The following STXBP5L variants were observed in gnomAD, a reference collection of about 807,000 sequenced individuals.
STXBP5L encodes syntaxin binding protein 5L, also known as syntaxin-binding protein 5-like.
In STXBP5L, 65 loss-of-function variants were observed where a neutral mutation model predicts 144.5. That is an observed-to-expected ratio of 0.45 (90% CI 0.37 to 0.55). The LOEUF is 0.55. Among genes scored for constraint, STXBP5L ranks in the 20% least tolerant of loss-of-function variants. The pLI is 0.00. For missense variants in STXBP5L, 1,298 were observed against 1,405.5 expected (o/e 0.92, Z 1.22); for synonymous variants, 505 against 469.6 (o/e 1.08, Z -0.97).
chr3:121,069,865 T>C (rs959900406), intron 5 of STXBP5L, among the ~76,000 whole-genome samples: 3 of 152,246 alleles, frequency 2.0e-5, no homozygotes, highest in Admixed American at 6.5e-5. Flanking sequence ...TTTCATTAAA[T>C]AATTGCTCTT....
At chr3:121,157,908 A>G (rs1282721138) in intron 9 of STXBP5L, 2 of 283,838 alleles carry the variant, frequency 7.0e-6, no homozygotes, top group African/African-American at 2.3e-5. Context: ...GGGGCAGAGG[A>G]GATAATATAG....
chr3:121,126,770 C>T (rs1452273997), intron 7 of STXBP5L, among the ~76,000 whole-genome samples: 1 of 152,160 alleles, frequency 6.6e-6, no homozygotes, highest in Non-Finnish European at 1.5e-5. Context: ...ACACAGGTCT[C>T]ACTGGGCAAA....
chr3:121,204,860 TTC>T (rs1180276794), intron 9 of STXBP5L, among the ~76,000 whole-genome samples: 4 of 152,206 alleles, frequency 2.6e-5, no homozygotes, highest in Non-Finnish European at 5.9e-5. Flanking sequence ...TTCTATTTCC[TTC>T]TCTTTTTGAT....
chr3:120,947,615 T>C (rs1710944734), intron 2 of STXBP5L, among the ~76,000 whole-genome samples: 1 of 151,790 alleles, frequency 6.6e-6, no homozygotes, highest in Non-Finnish European at 1.5e-5. Flanking sequence ...TAACAGTCAA[T>C]TCCTATTACT....
At chr3:121,313,197 C>T (rs1204888217) in intron 19 of STXBP5L, among the ~76,000 whole-genome samples, 8 of 133,764 alleles carry the variant, frequency 6.0e-5, no homozygotes, top group Non-Finnish European at 1.1e-4. Context: ...CCGGACGGGG[C>T]GGCCGGCCGG....
intron 4 of STXBP5L, among the ~76,000 whole-genome samples, chr3:121,042,953 G>A (rs141192192): frequency 6.5e-4 from 99 of 151,776 alleles, no homozygotes; most frequent in African/African-American, 2.4e-3. Flanking sequence ...GTAGTTCCTT[G>A]TTGAGGGATC....
intron 19 of STXBP5L, among the ~76,000 whole-genome samples, chr3:121,284,941 C>T (rs2051179812): frequency 6.6e-6 from 1 of 152,066 alleles, no homozygotes; most frequent in African/African-American, 2.4e-5. Context: ...TCTTTAACCA[C>T]TCAAAGGCAT....
chr3:121,389,170 A>T (rs2046508417), intron 22 of STXBP5L, among the ~76,000 whole-genome samples: 1 of 152,102 alleles, frequency 6.6e-6, no homozygotes, highest in Non-Finnish European at 1.5e-5. Flanking sequence ...TTTCTAGTTT[A>T]TTTGCGTAGA....
At chr3:121,418,933 G>C in intron 26 of STXBP5L, 123 bp from the exon 27 acceptor site, 1 of 999,134 alleles carries the variant, frequency 1.0e-6, no homozygotes. Context: ...CAAAATAAAA[G>C]AAGCCACTCA....
At chr3:121,007,242 G>T (rs636571) in intron 3 of STXBP5L, among the ~76,000 whole-genome samples, 3 of 151,852 alleles carry the variant, frequency 2.0e-5, no homozygotes, top group African/African-American at 7.3e-5. Context: ...AAGCCCCCTT[G>T]ATTATGATAC....
At chr3:121,081,364 G>GT (rs1207483839) in intron 5 of STXBP5L, among the ~76,000 whole-genome samples, 1 of 152,032 alleles carries the variant, frequency 6.6e-6, no homozygotes, top group African/African-American at 2.4e-5. Flanking sequence ...GGATTGTGGT[G>GT]TTTTTTAAAT....
intron 18 of STXBP5L, among the ~76,000 whole-genome samples, chr3:121,267,949 A>G (rs899338265): frequency 7.2e-5 from 11 of 152,198 alleles, no homozygotes; most frequent in African/African-American, 2.4e-4. Context: ...ACGCTTTTAC[A>G]CTGTTCGTGG....
At chr3:120,994,809 G>T (rs1171615432) in intron 3 of STXBP5L, among the ~76,000 whole-genome samples, 1 of 151,960 alleles carries the variant, frequency 6.6e-6, no homozygotes, top group Non-Finnish European at 1.5e-5. Flanking sequence ...GAATTAGGGG[G>T]AATTTACTCT....
At chr3:121,110,246 A>T (rs1208409366) in intron 5 of STXBP5L, among the ~76,000 whole-genome samples, 1 of 152,218 alleles carries the variant, frequency 6.6e-6, no homozygotes, top group Non-Finnish European at 1.5e-5. Context: ...TGATCCAGTC[A>T]TCATGATGCC....
intron 3 of STXBP5L, among the ~76,000 whole-genome samples, chr3:121,041,277 A>G (rs1947134152): frequency 6.6e-6 from 1 of 152,064 alleles, no homozygotes; most frequent in African/African-American, 2.4e-5. Flanking sequence ...TATGCTTAGA[A>G]GATTTTTTAT....
chr3:120,931,443 G>A (rs2107619115), intron 2 of STXBP5L, among the ~76,000 whole-genome samples: 1 of 152,212 alleles, frequency 6.6e-6, no homozygotes, highest in African/African-American at 2.4e-5. Context: ...TACGGTCATA[G>A]AGTGGCTTTG....
chr3:121,113,739 T>A (rs565059086), intron 5 of STXBP5L, among the ~76,000 whole-genome samples: 1 of 147,152 alleles, frequency 6.8e-6, no homozygotes, highest in Non-Finnish European at 1.5e-5. Flanking sequence ...AGTGGCACAG[T>A]CTCGGCTCAT....
At position 120,908,206 on chromosome 3, in the gene STXBP5L, A is replaced by C. The variant is rs1708628257; in HGVS notation, c.-137A>C. 1 of 152,196 alleles carries C rather than the reference A, an allele frequency of 6.6e-6. No individual in the cohort carries two copies. Among genetic ancestry groups the C allele is most frequent in the East Asian group, 2.0e-4 (1 of 5,118 alleles). The allele number at this position is 152,196 out of a possible 1,614,324, so 9.4% of individuals were successfully genotyped here. ...AGGGCGGAGCCTGCTCTGGAGCCTG[A>C]CTGCTCGGTTAGGACCTCGGAGAGC... On this transcript the variant is annotated 5_prime_UTR_variant, in exon 1 of 27. Coordinates refer to ENST00000471454, the MANE Select transcript of STXBP5L (RefSeq NM_001308330.2).
intron 9 of STXBP5L, among the ~76,000 whole-genome samples, chr3:121,165,688 C>T (rs186082055): frequency 2.6e-5 from 4 of 152,140 alleles, no homozygotes; most frequent in Admixed American, 2.6e-4. Context: ...AAGCGAGAGT[C>T]CTGCTAACAG....
Sources: allele counts gnomAD v4.1 joint callset (sites outside exome capture counted in the v4.1 genomes callset), GRCh38; gene constraint gnomAD v4.1.1; transcripts MANE v1.5; gene names NCBI Gene and HGNC (gene_info 2026-07-23, HGNC 2026-07-21).